EHHADH: variants seen among roughly 807,000 people sequenced by gnomAD.
EHHADH encodes peroxisomal bifunctional enzyme.
Under a neutral mutation model 64.4 loss-of-function variants are expected in EHHADH, and 48 were observed. The ratio of observed to expected loss-of-function variants is 0.75; its 90% confidence interval spans 0.59 to 0.95. The LOEUF is 0.95. EHHADH is among the 40% of genes least tolerant of loss of function. The pLI, the probability that EHHADH is intolerant of heterozygous loss-of-function variation, is 0.00. For missense variants in EHHADH, 854 were observed against 876.6 expected (o/e 0.97, Z 0.33); for synonymous variants, 308 against 326.7 (o/e 0.94, Z 0.62).
rs192861931 is a variant in EHHADH at position 185,216,702 on chromosome 3, T to G, written c.568+1434A>C. On this transcript the variant is annotated intron_variant, in intron 5 of 6. Transcript: ENST00000231887. The surrounding 1 kb of genome is among the most constrained non-coding windows in gnomAD (Gnocchi z 5.3). ...AGAAAGATTATTTCAGGAAAGTGTT[T>G]GGTCTCTGCCAAGGTCAACAAAAGA... Among the ~76,000 whole-genome samples, 39 of 152,340 alleles carry G rather than the reference T, an allele frequency of 2.6e-4. No homozygotes were observed. The East Asian group carries it at 6.2e-3, about 24-fold the overall frequency.
chr3:185,240,725 C>A (rs58556041), intron 2 of EHHADH, among the ~76,000 whole-genome samples: 1 of 152,018 alleles, frequency 6.6e-6, no homozygotes, highest in Non-Finnish European at 1.5e-5. Flanking sequence ...CTTTTCATCT[C>A]ATTTATCCTT....
intron 1 of EHHADH, 108 bp downstream of exon 1, chr3:185,253,841 T>A (rs1001403516): frequency 1.5e-4 from 234 of 1,510,746 alleles, no homozygotes; most frequent in Non-Finnish European, 2.0e-4. Context: ...GCTCAACTCT[T>A]GAGTGTCCTT....
At position 185,204,751 on chromosome 3, in the gene EHHADH, G is replaced by A. The variant is rs1250992755; in HGVS notation, c.575C>T (p.Pro192Leu). 1.2e-5 allele frequency: 19 copies of A among 1,602,200 alleles called. No homozygotes were observed. The highest frequency in any genetic ancestry group is 1.6e-5 in the Non-Finnish European group (19 of 1,171,674). Residue 192 changes from proline (P) to leucine (L), a missense_variant, in exon 6 of 7, where the codon CCT (proline) becomes CTT (leucine). Physicochemically the swap from Pro to Leu is moderately conservative, Grantham distance 98. Transcript: ENST00000231887. Reference sequence around the variant, plus strand: ...GTTGCAGAGTCTACGGGATTCTAGAGGTTGATCTGAAAGGAATAAGAAGGA... The same window carrying A: ...GTTGCAGAGTCTACGGGATTCTAGAAGTTGATCTGAAAGGAATAAGAAGGA... ...IRFAQRVSDQ[P>L]LESRRLCNKP...
intron 1 of EHHADH, among the ~76,000 whole-genome samples, chr3:185,249,078 G>A (rs1308440971): frequency 6.6e-6 from 1 of 152,084 alleles, no homozygotes; most frequent in African/African-American, 2.4e-5. Context: ...CCTCTCCATC[G>A]TCTTCATAGT....
At chr3:185,248,310 A>G in intron 2 of EHHADH, 104 bp downstream of exon 2, 3 of 854,060 alleles carry the variant, frequency 3.5e-6, no homozygotes, top group South Asian at 2.7e-5. Flanking sequence ...TGCCATATCC[A>G]TTACCTACAC....
At chr3:185,217,548 A>G (rs1382654772) in intron 5 of EHHADH, among the ~76,000 whole-genome samples, 32 of 6,768 alleles carry the variant, frequency 4.7e-3, no homozygotes, top group Admixed American at 0.025. Flanking sequence ...TCTGTCTCAG[A>G]AAAAAAAAAA....
intron 2 of EHHADH, chr3:185,246,417 C>A: frequency 3.6e-6 from 2 of 556,624 alleles, no homozygotes; most frequent in South Asian, 2.3e-5. Flanking sequence ...ACAGTAGGAT[C>A]AAAAATCATC....
intron 4 of EHHADH, among the ~76,000 whole-genome samples, chr3:185,225,585 G>T (rs1718952462): frequency 6.6e-6 from 1 of 152,022 alleles, no homozygotes; most frequent in Non-Finnish European, 1.5e-5. Context: ...AAACCTAAGT[G>T]AGAGCATGTT....
At chr3:185,193,976 A>T (rs1353547780) in intron 6 of EHHADH, among the ~76,000 whole-genome samples, 1 of 152,212 alleles carries the variant, frequency 6.6e-6, no homozygotes, top group African/African-American at 2.4e-5. Context: ...AGACAACTTA[A>T]TATTGTTAAG....
intron 4 of EHHADH, among the ~76,000 whole-genome samples, chr3:185,221,577 CTTT>C (rs10663266): frequency 7.6e-6 from 1 of 130,724 alleles, no homozygotes; most frequent in Admixed American, 8.5e-5. Flanking sequence ...ATTTTTTTTT[CTTT>C]TTTTTTTTTT....
At chr3:185,253,772 A>AAAAAAAG (rs1553780971) in intron 1 of EHHADH, 177 bp downstream of exon 1, 522 of 1,331,954 alleles carry the variant, frequency 3.9e-4, no homozygotes, top group East Asian at 3.0e-3. Flanking sequence ...AAAAAAAAAA[A>AAAAAAAG]AAAAGAAAAG....
At chr3:185,249,335 A>C (rs1034905054) in intron 1 of EHHADH, among the ~76,000 whole-genome samples, 1 of 152,082 alleles carries the variant, frequency 6.6e-6, no homozygotes, top group Non-Finnish European at 1.5e-5. Context: ...TCACCGTGTT[A>C]ACCAGGATGT....
At chr3:185,240,908 C>T (rs1472842510) in intron 2 of EHHADH, among the ~76,000 whole-genome samples, 1 of 151,970 alleles carries the variant, frequency 6.6e-6, no homozygotes, top group Non-Finnish European at 1.5e-5. Flanking sequence ...ACCCATCACC[C>T]AAGCAGTATA....
At chr3:185,235,545 T>A in intron 2 of EHHADH, 83 bp from the exon 3 acceptor site, 1 of 1,129,140 alleles carries the variant, frequency 8.9e-7, no homozygotes, top group Non-Finnish European at 1.2e-6. Context: ...TGATACTCTT[T>A]AAAAAATTAA....
intron 2 of EHHADH, among the ~76,000 whole-genome samples, chr3:185,238,522 T>C: frequency 6.6e-6 from 1 of 152,216 alleles, no homozygotes; most frequent in Non-Finnish European, 1.5e-5. Flanking sequence ...TGAGAATTTT[T>C]TCATATGTTT....
chr3:185,226,233 C>T (rs1050265638), intron 4 of EHHADH, among the ~76,000 whole-genome samples: 3 of 152,290 alleles, frequency 2.0e-5, no homozygotes, highest in Non-Finnish European at 4.4e-5. Context: ...CTGGAGGAAG[C>T]GAGCTGTCAC....
chr3:185,242,272 C>A (rs775046641), intron 2 of EHHADH, among the ~76,000 whole-genome samples: 33 of 152,128 alleles, frequency 2.2e-4, no homozygotes, highest in Non-Finnish European at 4.6e-4. Context: ...AATGCAACCC[C>A]CATCAAAATA....
chr3:185,247,678 C>T (rs1719632139), intron 2 of EHHADH, among the ~76,000 whole-genome samples: 1 of 152,020 alleles, frequency 6.6e-6, no homozygotes. Flanking sequence ...TCTTTTCAGA[C>T]TACCATTAAC....
intron 6 of EHHADH, among the ~76,000 whole-genome samples, chr3:185,197,335 C>G (rs1718091854): frequency 6.6e-6 from 1 of 152,176 alleles, no homozygotes; most frequent in Non-Finnish European, 1.5e-5. Flanking sequence ...CCCATCATAG[C>G]CATTTCTAAG....
Sources: gnomAD v4.1 joint callset for allele counts (sites outside exome capture counted in the v4.1 genomes callset) on GRCh38, gnomAD v4.1.1 for gene constraint, Gnocchi (gnomAD v3.1) non-coding constraint, MANE v1.5 for transcripts, NCBI Gene and HGNC (gene_info 2026-07-23, HGNC 2026-07-21) for gene names.